TMTC2: variants seen among roughly 807,000 people sequenced by gnomAD.
TMTC2 encodes the protein protein O-mannosyl-transferase TMTC2.
Under a neutral mutation model 82.4 loss-of-function variants are expected in TMTC2, and 43 were observed. The observed-to-expected ratio is 0.52, with a 90% CI of 0.41 to 0.67. The LOEUF (loss-of-function observed/expected upper bound fraction) is 0.67. TMTC2 is among the 30% of genes least tolerant of loss of function. The pLI, the probability that TMTC2 is intolerant of heterozygous loss-of-function variation, is 0.00. For missense variants in TMTC2, 919 were observed against 1,012.4 expected (o/e 0.91, Z 1.25); for synonymous variants, 408 against 381.9 (o/e 1.07, Z -0.80).
chr12:82,731,269 C>T (rs1003688252), intron 1 of TMTC2, among the ~76,000 whole-genome samples: 2 of 152,234 alleles, frequency 1.3e-5, no homozygotes, highest in Non-Finnish European at 2.9e-5. Flanking sequence ...ACAGGCTTAT[C>T]GCTGAACTGA....
At chr12:82,717,341 C>G (rs1167376212) in intron 1 of TMTC2, among the ~76,000 whole-genome samples, 1 of 152,016 alleles carries the variant, frequency 6.6e-6, no homozygotes, top group African/African-American at 2.4e-5. Context: ...TCTCCTGCCT[C>G]AGCCTCCCAA....
chr12:82,970,473 A>G (rs1878402932), intron 7 of TMTC2, among the ~76,000 whole-genome samples: 1 of 150,108 alleles, frequency 6.7e-6, no homozygotes, highest in African/African-American at 2.5e-5. Flanking sequence ...CTGGGACTAC[A>G]GGCGCCCGCC....
chr12:82,871,681 C>CTGTG (rs10662218), intron 2 of TMTC2, among the ~76,000 whole-genome samples: 68,862 of 141,842 alleles, frequency 0.49, 18,733 homozygotes, highest in Non-Finnish European at 0.61. Context: ...CTCTGCTCAT[C>CTGTG]TGTGTGTGTG....
chr12:83,128,642 G>A (rs1387378083), intron 11 of TMTC2, among the ~76,000 whole-genome samples: 2 of 152,084 alleles, frequency 1.3e-5, no homozygotes, highest in African/African-American at 4.8e-5. Flanking sequence ...AAGGCACCTG[G>A]GTTTCTTGTT....
intron 8 of TMTC2, among the ~76,000 whole-genome samples, chr12:82,988,960 G>A (rs1270512854): frequency 1.3e-5 from 2 of 149,908 alleles, no homozygotes; most frequent in Non-Finnish European, 3.0e-5. Flanking sequence ...TATCAGGAAA[G>A]ACACAAATTA....
chr12:83,048,889 G>A (rs1041722973), intron 9 of TMTC2, among the ~76,000 whole-genome samples: 2 of 152,080 alleles, frequency 1.3e-5, no homozygotes, highest in Admixed American at 6.6e-5. Context: ...GGCTGGTCTC[G>A]AACTCCAGAC....
intron 1 of TMTC2, among the ~76,000 whole-genome samples, chr12:82,712,406 G>A (rs1222120233): frequency 6.9e-6 from 1 of 145,328 alleles, no homozygotes; most frequent in African/African-American, 2.6e-5. Flanking sequence ...CTCCAGCCTG[G>A]GCAGAAGAGT....
chr12:82,877,962 C>T (rs1872660240), intron 2 of TMTC2, among the ~76,000 whole-genome samples: 1 of 152,106 alleles, frequency 6.6e-6, no homozygotes, highest in East Asian at 1.9e-4. Flanking sequence ...AGTAAAGAAC[C>T]CCCACTCTAT....
chr12:82,876,060 G>GTGGTGGTGGTGGTGA (rs1872509337), intron 2 of TMTC2, among the ~76,000 whole-genome samples: 1 of 117,826 alleles, frequency 8.5e-6, no homozygotes, highest in Non-Finnish European at 1.9e-5. Flanking sequence ...GGTGGTGGTG[G>GTGGTGGTGGTGGTGA]TGGTGGTGAT....
At chr12:82,913,799 G>C (rs549660339) in intron 3 of TMTC2, among the ~76,000 whole-genome samples, 1 of 151,958 alleles carries the variant, frequency 6.6e-6, no homozygotes, top group African/African-American at 2.4e-5. Flanking sequence ...CTCAAGTACC[G>C]TTGTCCCTTG....
intron 11 of TMTC2, among the ~76,000 whole-genome samples, chr12:83,127,571 T>A (rs1209590978): frequency 6.6e-6 from 1 of 152,172 alleles, no homozygotes; most frequent in East Asian, 1.9e-4. Context: ...TCTACATTAC[T>A]CCTGATCCCA....
chr12:83,089,847 CAAA>C (rs200273951), intron 11 of TMTC2, among the ~76,000 whole-genome samples: 1 of 135,738 alleles, frequency 7.4e-6, no homozygotes, highest in African/African-American at 2.9e-5. Context: ...AAACAAAAAA[CAAA>C]AAAAAAAAAA....
At chr12:83,009,986 A>G (rs1880382195) in intron 8 of TMTC2, among the ~76,000 whole-genome samples, 1 of 152,160 alleles carries the variant, frequency 6.6e-6, no homozygotes, top group African/African-American at 2.4e-5. Context: ...GATGGAGCTC[A>G]AGTAGTAATG....
At chr12:82,751,047 G>A (rs1875970347) in intron 1 of TMTC2, among the ~76,000 whole-genome samples, 1 of 151,990 alleles carries the variant, frequency 6.6e-6, no homozygotes, top group Non-Finnish European at 1.5e-5. Flanking sequence ...CAAATTTCTG[G>A]GATAATGTTG....
Position 82,857,096 on chromosome 12 carries a change from C to A in TMTC2, c.170C>A (p.Thr57Asn). The A allele has an allele frequency of 6.2e-7, 1 of 1,613,974 alleles. No homozygotes were observed. The highest frequency in any genetic ancestry group is 8.5e-7 in the Non-Finnish European group (1 of 1,180,022). ...AATGATTTTTGGGGGACTCTTCTAA[C>A]CCACAGTGGCAGCCACAAGTCCTAC... ...FYNDFWGTLL[T>N]HSGSHKSYRP... Residue 57 changes from threonine (T) to asparagine (N), a missense_variant, in exon 2 of 12, where the codon ACC becomes AAC. Thr to Asn is a moderately conservative substitution (Grantham distance 65). Transcript: ENST00000321196.
At chr12:82,962,754 T>G (rs1877998561) in intron 4 of TMTC2, among the ~76,000 whole-genome samples, 1 of 152,048 alleles carries the variant, frequency 6.6e-6, no homozygotes, top group African/African-American at 2.4e-5. Context: ...GCAGTCAGCA[T>G]GTACATGAGC....
chr12:82,775,451 A>G (rs1221181954), intron 1 of TMTC2, among the ~76,000 whole-genome samples: 2 of 151,232 alleles, frequency 1.3e-5, no homozygotes, highest in Non-Finnish European at 2.9e-5. Flanking sequence ...CCCTGTCTCC[A>G]GGGGGGCGGG....
chr12:82,965,351 T>G (rs906929606), intron 5 of TMTC2, among the ~76,000 whole-genome samples: 2 of 152,140 alleles, frequency 1.3e-5, no homozygotes, highest in Admixed American at 6.6e-5. Flanking sequence ...TATTTGGAAT[T>G]TCTTGCTGGC....
At chr12:83,034,716 A>AT (rs1881592427) in intron 9 of TMTC2, among the ~76,000 whole-genome samples, 1 of 152,136 alleles carries the variant, frequency 6.6e-6, no homozygotes, top group African/African-American at 2.4e-5. Context: ...TGTGTTTTCC[A>AT]TTTTTGTATC....
Sources: allele counts gnomAD v4.1 joint callset (sites outside exome capture counted in the v4.1 genomes callset), GRCh38; gene constraint gnomAD v4.1.1; transcripts MANE v1.5; gene names NCBI Gene and HGNC (gene_info 2026-07-23, HGNC 2026-07-21).